Variants in NRXN1 observed in about 807,000 individuals in gnomAD.
NRXN1 encodes the protein neurexin 1.
A neutral mutation model predicts 150.9 loss-of-function variants in NRXN1; 39 were observed. The ratio of observed to expected loss-of-function variants is 0.26; its 90% CI spans 0.20 to 0.34. NRXN1 has a LOEUF of 0.34. NRXN1 is among the 10% of genes least tolerant of loss of function. The pLI is 1.00. For synonymous variants in NRXN1, 924 were observed against 757.0 expected (o/e 1.22, Z -3.62); for missense variants, 1,815 against 1,949.9 (o/e 0.93, Z 1.30).
At chr2:50,021,686 G>T (rs942454702) in intron 21 of NRXN1, among the ~76,000 whole-genome samples, 1 of 152,078 alleles carries the variant, frequency 6.6e-6, no homozygotes, top group South Asian at 2.1e-4. Flanking sequence ...TTTCTCAAAT[G>T]TATTCAGTAA....
intron 5 of NRXN1, among the ~76,000 whole-genome samples, chr2:50,823,210 A>G (rs1272813215): frequency 6.6e-6 from 1 of 152,176 alleles, no homozygotes; most frequent in Non-Finnish European, 1.5e-5. Flanking sequence ...AACATTGCCA[A>G]ATATATTTTA....
intron 18 of NRXN1, among the ~76,000 whole-genome samples, chr2:50,110,385 G>C (rs566555470): frequency 1.3e-5 from 2 of 151,438 alleles, no homozygotes; most frequent in South Asian, 2.1e-4. Context: ...CCAGCTGCTC[G>C]GGAGGCTGAG....
At chr2:49,976,189 ATT>A (rs11296883) in intron 21 of NRXN1, among the ~76,000 whole-genome samples, 166 of 142,868 alleles carry the variant, frequency 1.2e-3, no homozygotes, top group Middle Eastern at 3.7e-3. Flanking sequence ...CGCCCAGCTA[ATT>A]TTTTTTTTTT....
chr2:49,955,796 C>A (rs1234739799), intron 21 of NRXN1, among the ~76,000 whole-genome samples: 1 of 151,982 alleles, frequency 6.6e-6, no homozygotes, highest in African/African-American at 2.4e-5. Context: ...CTGAAAGAGG[C>A]CAGCCATAAG....
chr2:50,247,700 T>A (rs1308520509), intron 17 of NRXN1, among the ~76,000 whole-genome samples: 1 of 152,022 alleles, frequency 6.6e-6, no homozygotes, highest in Non-Finnish European at 1.5e-5. Flanking sequence ...TGTCCTAGAT[T>A]AGAGAAAACT....
At chr2:50,862,805 T>C (rs1278000101) in intron 5 of NRXN1, among the ~76,000 whole-genome samples, 1 of 152,088 alleles carries the variant, frequency 6.6e-6, no homozygotes, top group Admixed American at 6.6e-5. Context: ...GAAATGGAAA[T>C]GTGCCTCATA....
chr2:50,070,786 A>G (rs979558874), intron 19 of NRXN1, among the ~76,000 whole-genome samples: 3 of 151,636 alleles, frequency 2.0e-5, no homozygotes, highest in Non-Finnish European at 4.4e-5. Context: ...AAAAAAAAAA[A>G]AAACCTGTAA....
intron 17 of NRXN1, among the ~76,000 whole-genome samples, chr2:50,311,961 G>A (rs1224253323): frequency 1.3e-5 from 2 of 152,062 alleles, no homozygotes; most frequent in Non-Finnish European, 2.9e-5. Context: ...GAAAAGCTAT[G>A]GTAGACACTG....
At chr2:50,217,791 C>T (rs894377207) in intron 18 of NRXN1, among the ~76,000 whole-genome samples, 2 of 152,056 alleles carry the variant, frequency 1.3e-5, no homozygotes, top group African/African-American at 4.8e-5. Flanking sequence ...TATGACATCA[C>T]TTGCATACTT....
chr2:50,640,632 G>A (rs1252122338), intron 5 of NRXN1, among the ~76,000 whole-genome samples: 1 of 152,084 alleles, frequency 6.6e-6, no homozygotes, highest in Non-Finnish European at 1.5e-5. Context: ...AATCCCAGAA[G>A]AATAAATAAC....
At chr2:50,312,758 C>A (rs1417161318) in intron 17 of NRXN1, 1 of 516,530 alleles carries the variant, frequency 1.9e-6, no homozygotes, top group African/African-American at 1.9e-5. Context: ...ACATATGTTG[C>A]AATTTCAGCT....
At chr2:50,800,282 G>A (rs932226336) in intron 5 of NRXN1, among the ~76,000 whole-genome samples, 3 of 152,156 alleles carry the variant, frequency 2.0e-5, no homozygotes, top group South Asian at 2.1e-4. Flanking sequence ...ATAGAGATAA[G>A]AGGATCACTC....
At chr2:50,875,413 G>T (rs899811385) in intron 5 of NRXN1, among the ~76,000 whole-genome samples, 5 of 151,624 alleles carry the variant, frequency 3.3e-5, no homozygotes, top group African/African-American at 1.2e-4. Context: ...GATGAAAGAT[G>T]AGTAACATAT....
At chr2:50,885,861 C>T (rs994770693) in intron 5 of NRXN1, among the ~76,000 whole-genome samples, 1 of 115,616 alleles carries the variant, frequency 8.6e-6, no homozygotes, top group Non-Finnish European at 2.1e-5. Context: ...ACGTCTATAC[C>T]ATTTAATGTA....
intron 5 of NRXN1, among the ~76,000 whole-genome samples, chr2:50,707,397 T>C (rs570895285): frequency 1.3e-5 from 2 of 152,314 alleles, no homozygotes; most frequent in East Asian, 3.9e-4. Context: ...GCAGTGCTGG[T>C]TCTTGGCGGT....
chr2:49,966,997 G>A (rs371788941), intron 21 of NRXN1, among the ~76,000 whole-genome samples: 29 of 152,248 alleles, frequency 1.9e-4, no homozygotes, highest in African/African-American at 6.7e-4. Context: ...GTGGAAATCT[G>A]AGGAGCCCAG....
At position 50,276,833 on chromosome 2, in the gene NRXN1, T is replaced by A. The variant is rs116142451; in HGVS notation, c.3365-39863A>T. 3.9e-3 allele frequency among the ~76,000 whole-genome samples: 595 copies of A among 152,246 alleles called. 3 individuals are homozygous for A. Among genetic ancestry groups the A allele is most frequent in the Non-Finnish European group, 6.8e-3 (463 of 68,002 alleles). On this transcript the variant is annotated intron_variant, in intron 17 of 22. Transcript: ENST00000401669. ...TTTAAGAGGGGAAAAGACCCTTCAA[T>A]AGAGAACTTGCTATTTATGCCAAAT...
In NRXN1 at chr2:50,131,902, C is replaced by T. The variant is rs552164423; in HGVS notation, c.3547-40408G>A. Reference sequence around the variant, plus strand: ...CAGGTAAAGAAACAAGTACACTAGACGGTCCAACAGCTCTATTGAACAAGT... The same window carrying T: ...CAGGTAAAGAAACAAGTACACTAGATGGTCCAACAGCTCTATTGAACAAGT... On this transcript the variant is annotated intron_variant, in intron 18 of 22. Coordinates refer to ENST00000401669, the MANE Select transcript of NRXN1 (RefSeq NM_001330078.2). 1.0e-4 allele frequency among the ~76,000 whole-genome samples: 11 copies of T among 105,950 alleles called. No homozygotes were observed. The East Asian group carries it at 3.5e-3, about 34-fold the overall frequency. The allele number at this position is 105,950 out of a possible 152,430, so 69.5% of individuals were successfully genotyped here.
intron 17 of NRXN1, among the ~76,000 whole-genome samples, chr2:50,320,221 T>C (rs1033795723): frequency 2.0e-5 from 3 of 146,384 alleles, no homozygotes; most frequent in Non-Finnish European, 4.5e-5. Flanking sequence ...CTATTTTTTC[T>C]TATTTTATCA....
Sources: gnomAD v4.1 joint callset for allele counts (sites outside exome capture counted in the v4.1 genomes callset) on GRCh38, gnomAD v4.1.1 for gene constraint, MANE v1.5 for transcripts, NCBI Gene and HGNC (gene_info 2026-07-23, HGNC 2026-07-21) for gene names.